The following FAM186B variants were observed in gnomAD, a reference collection of about 807,000 sequenced individuals.
FAM186B encodes family with sequence similarity 186 member B, also known as protein FAM186B.
FAM186B carries 68 observed loss-of-function variants against 83.4 expected under a neutral mutation model. The ratio of observed to expected loss-of-function variants is 0.81; its 90% CI spans 0.67 to 1.00. The LOEUF (loss-of-function observed/expected upper bound fraction) is 1.00. Ranked by LOEUF, FAM186B falls within the 50% of genes least tolerant of loss-of-function variation. The pLI, the probability that FAM186B is intolerant of heterozygous loss-of-function variation, is 0.00. For synonymous variants in FAM186B, 389 were observed against 422.0 expected (o/e 0.92, Z 0.96); for missense variants, 983 against 1,099.2 (o/e 0.89, Z 1.49).
chr12:49,621,120 C>T, the FAM186B span, among the ~76,000 whole-genome samples: 10 of 152,310 alleles, frequency 6.6e-5, no homozygotes, highest in African/African-American at 2.2e-4. Context: ...AAGTGACTCA[C>T]GCCTGTAATC....
At chr12:49,609,375 C>G (rs977325285), upstream of FAM186B, among the ~76,000 whole-genome samples, 11 of 152,186 alleles carry the variant, frequency 7.2e-5, no homozygotes, top group Non-Finnish European at 1.0e-4. Context: ...TGCAGACACT[C>G]TAGTGAAGTG....
At chr12:49,606,463 C>T (rs1215829917), upstream of FAM186B, among the ~76,000 whole-genome samples, 1 of 150,928 alleles carries the variant, frequency 6.6e-6, no homozygotes, top group Non-Finnish European at 1.5e-5. Context: ...CCACTACACC[C>T]CAGCCTAGGT....
At position 49,599,783 on chromosome 12, in the gene FAM186B, T is replaced by C; in HGVS notation, c.1857A>G (p.Arg619=). 1.2e-6 allele frequency: 2 copies of C among 1,613,966 alleles called. No homozygotes were observed. The highest frequency in any genetic ancestry group is 1.7e-6 in the Non-Finnish European group (2 of 1,179,930). The part of the protein sequence containing the change: ...RPMSSVEFTY[R]PRTRRVPTKP... The stretch of plus-strand genomic sequence containing the variant: ...TTGTGGGAACTCGGCGGGTCCGTGG[T>C]CTGTAGGTAAACTCCACTGAACTCA... Residue 619 remains arginine (R), a synonymous_variant, in exon 4 of 7, where the codon AGA becomes AGG. Transcript: ENST00000257894.
chr12:49,599,661 T>A lies in FAM186B; in HGVS notation c.1979A>T (p.Lys660Met), dbSNP rs773840486. The A allele has an allele frequency of 6.2e-7, 1 of 1,605,500 alleles. No individual in the cohort carries two copies. The highest frequency in any genetic ancestry group is 8.5e-7 in the Non-Finnish European group (1 of 1,175,864). Residue 660 changes from lysine to methionine, a missense_variant, in exon 4 of 7, where the codon AAG becomes ATG. By Grantham distance (95) the Lys-to-Met change is moderately conservative. Coordinates refer to ENST00000257894, the MANE Select transcript of FAM186B (RefSeq NM_032130.3). The part of the protein sequence containing the change: ...LQISPANIKK[K>M]VYHMDMEAQR... ...GGCCTCCATGTCCATGTGGTACACC[T>A]TCTTCTTAATATTTGCAGGGGATAT... is the stretch of plus-strand genomic sequence containing the variant.
Position 49,587,703 on chromosome 12 carries a change from A to C in FAM186B, c.2584T>G (p.Ser862Ala), listed in dbSNP as rs764711261. The C allele has an allele frequency of 6.2e-7, 1 of 1,613,998 alleles. No homozygotes were observed. Among genetic ancestry groups the C allele is most frequent in the Non-Finnish European group, 8.5e-7 (1 of 1,179,984 alleles). ...EAVWKTEVAS[S>A]SYAIEKKTPA... is the part of the protein sequence containing the mutation. Reference sequence around the variant, plus strand: ...GTCTTTTTTTCTATTGCGTAACTGGAGGAGGCCACCTCGGTCTTCCAGACA... The same window carrying C: ...GTCTTTTTTTCTATTGCGTAACTGGCGGAGGCCACCTCGGTCTTCCAGACA... The change falls in exon 7 of 7, where the codon TCC becomes GCC. Residue 862 changes from serine (S) to alanine (A), a missense_variant. Coordinates refer to ENST00000257894, the MANE Select transcript of FAM186B (RefSeq NM_032130.3).
intron 5 of FAM186B, among the ~76,000 whole-genome samples, chr12:49,594,797 C>A (rs1413454003): frequency 1.3e-5 from 2 of 152,038 alleles, no homozygotes; most frequent in African/African-American, 2.4e-5. Context: ...ATCGCCTGAA[C>A]CCGGGAGGTG....
At chr12:49,608,135 G>A (rs866746363), upstream of FAM186B, among the ~76,000 whole-genome samples, 1 of 151,792 alleles carries the variant, frequency 6.6e-6, no homozygotes, top group South Asian at 2.1e-4. Flanking sequence ...CAAGAGGATT[G>A]CTTGACTGCA....
At chr12:49,601,242 G>A in intron 3 of FAM186B, 108 bp from the exon 4 acceptor site, 1 of 1,417,202 alleles carries the variant, frequency 7.1e-7, no homozygotes, top group Non-Finnish European at 9.3e-7. Flanking sequence ...TAGGGATTTG[G>A]CGAGAGTAGG....
At chr12:49,611,528 T>C in the FAM186B span, among the ~76,000 whole-genome samples, 1 of 149,054 alleles carries the variant, frequency 6.7e-6, no homozygotes, top group African/African-American at 2.5e-5. Context: ...CACTTCAGCC[T>C]GGGCAACAGA....
At chr12:49,615,116 G>A in the FAM186B span, among the ~76,000 whole-genome samples, 5 of 151,290 alleles carry the variant, frequency 3.3e-5, no homozygotes, top group African/African-American at 1.2e-4. Context: ...GTGACAGAGC[G>A]AGACTCCGTC....
the FAM186B span, chr12:49,619,410 C>T: frequency 2.0e-6 from 1 of 489,878 alleles, no homozygotes. Flanking sequence ...GCTAAAGAGG[C>T]ACCATTCATC....
chr12:49,599,868 C>A lies in FAM186B; in HGVS notation c.1772G>T (p.Arg591Met). 2 of 1,608,498 alleles carry A rather than the reference C, an allele frequency of 1.2e-6. No homozygotes were observed. The highest frequency in any genetic ancestry group is 2.2e-5 in the South Asian group (2 of 90,162). Residue 591 changes from arginine to methionine, a missense_variant, in exon 4 of 7, where the codon AGG becomes ATG. Physicochemically the swap from Arg to Met is moderately conservative, Grantham distance 91. Coordinates refer to ENST00000257894, the MANE Select transcript of FAM186B (RefSeq NM_032130.3). ...ACTAGGAGACATGGGCAAGTGTGGCCTCCTGCTTTGGTGAGCAGATTGGGT... is the reference window on the plus strand; with the variant it reads ...ACTAGGAGACATGGGCAAGTGTGGCATCCTGCTTTGGTGAGCAGATTGGGT... ...SRTQSAHQSR[R>M]PHLPMSPSTQ...
chr12:49,585,339 G>A (rs1387961811), downstream of FAM186B, among the ~76,000 whole-genome samples: 1 of 152,180 alleles, frequency 6.6e-6, no homozygotes, highest in Non-Finnish European at 1.5e-5. Context: ...GTTTTTAGCT[G>A]TGCAGGAACA....
chr12:49,592,699 T>C lies in FAM186B; in HGVS notation c.2365-4076A>G, dbSNP rs150838445. Among the ~76,000 whole-genome samples the C allele has an allele frequency of 3.1e-3, 475 of 152,210 alleles. 4 individuals carry two copies. Among genetic ancestry groups the C allele is most frequent in the African/African-American group, 0.011 (457 of 41,516 alleles). On this transcript the variant is annotated intron_variant, in intron 5 of 6. Coordinates refer to ENST00000257894, the MANE Select transcript of FAM186B (RefSeq NM_032130.3). ...TACTCAGGAGGCTGAGGCATGAGAA[T>C]CGCTTGAATCCAGGAGGCGGAGGTT...
intron 1 of FAM186B, chr12:49,604,847 A>G: frequency 4.0e-6 from 1 of 252,012 alleles, no homozygotes. Context: ...TTTCTTTAGA[A>G]TTTCAGAGGT....
chr12:49,589,306 A>G (rs1939524281), intron 5 of FAM186B, among the ~76,000 whole-genome samples: 1 of 151,982 alleles, frequency 6.6e-6, no homozygotes, highest in Non-Finnish European at 1.5e-5. Flanking sequence ...CTGACTCACA[A>G]CTTTGGGCTC....
At chr12:49,589,350 G>A (rs886408652) in intron 5 of FAM186B, among the ~76,000 whole-genome samples, 1 of 152,154 alleles carries the variant, frequency 6.6e-6, no homozygotes, top group Admixed American at 6.5e-5. Context: ...TAGGGACCAC[G>A]TCGGCACTTG....
At chr12:49,619,417 C>T in the FAM186B span, 1 of 519,674 alleles carries the variant, frequency 1.9e-6, no homozygotes, top group Non-Finnish European at 3.5e-6. Flanking sequence ...AGGCACCATT[C>T]ATCCCCACTG....
chr12:49,599,808 A>G lies in FAM186B; in HGVS notation c.1832T>C (p.Met611Thr), dbSNP rs1939827119. Residue 611 changes from methionine to threonine, a missense_variant, in exon 4 of 7, where the codon ATG becomes ACG. By Grantham distance (81) the Met-to-Thr change is moderately conservative. Transcript: ENST00000257894. ...QQPALGKQRP[M>T]SSVEFTYRPR... ...TCTGTAGGTAAACTCCACTGAACTC[A>G]TAGGTCTCTGCTTTCCCAGGGCAGG... is the stretch of plus-strand genomic sequence containing the variant. 6.2e-7 allele frequency: 1 copy of G among 1,613,368 alleles called. No homozygotes were observed. Among genetic ancestry groups the G allele is most frequent in the South Asian group, 1.1e-5 (1 of 90,990 alleles).
Sources: allele counts gnomAD v4.1 joint callset (sites outside exome capture counted in the v4.1 genomes callset), GRCh38; gene constraint gnomAD v4.1.1; transcripts MANE v1.5; gene names NCBI Gene and HGNC (gene_info 2026-07-23, HGNC 2026-07-21).